FRAS1: variants seen among roughly 807,000 people sequenced by gnomAD.
The protein encoded by FRAS1 is extracellular matrix organizing protein FRAS1.
In FRAS1, 290 loss-of-function variants were observed where a neutral mutation model predicts 435.2. That is an observed-to-expected ratio of 0.67 (90% CI 0.61 to 0.73). The LOEUF is 0.73. Among genes scored for constraint, FRAS1 ranks in the 30% least tolerant of loss-of-function variants. FRAS1 has a pLI of 0.00. For synonymous variants in FRAS1, 1,800 were observed against 1,851.0 expected, an observed-to-expected ratio of 0.97 and a Z score of 0.71; for missense variants, 4,860 against 5,001.5, an observed-to-expected ratio of 0.97 and a Z score of 0.85.
intron 43 of FRAS1, among the ~76,000 whole-genome samples, chr4:78,447,495 A>G (rs76873451): frequency 0.026 from 3,920 of 151,888 alleles, 172 homozygotes; most frequent in African/African-American, 0.09. Context: ...TAATAGAAAA[A>G]ACTGTTGGGC....
intron 2 of FRAS1, among the ~76,000 whole-genome samples, chr4:78,219,471 A>G (rs1186802268): frequency 6.6e-6 from 1 of 152,346 alleles, no homozygotes; most frequent in South Asian, 2.1e-4. Context: ...ACAATTGATC[A>G]TGTGTAATGT....
intron 51 of FRAS1, among the ~76,000 whole-genome samples, chr4:78,470,602 T>A (rs551947209): frequency 6.6e-6 from 1 of 152,308 alleles, no homozygotes; most frequent in African/African-American, 2.4e-5. Flanking sequence ...TAATACAAAT[T>A]TTAAAAATAT....
intron 61 of FRAS1, among the ~76,000 whole-genome samples, chr4:78,502,652 A>C (rs1475283112): frequency 3.9e-5 from 6 of 152,212 alleles, no homozygotes; most frequent in Admixed American, 2.0e-4. Flanking sequence ...CAATCATGTC[A>C]TCTGCAAACA....
intron 18 of FRAS1, among the ~76,000 whole-genome samples, chr4:78,332,926 G>C (rs1465410214): frequency 6.6e-6 from 1 of 152,208 alleles, no homozygotes; most frequent in Non-Finnish European, 1.5e-5. Flanking sequence ...AGTATCTAGT[G>C]ATAGACAGCT....
chr4:78,297,637 G>A (rs1728196846), intron 14 of FRAS1, among the ~76,000 whole-genome samples: 1 of 152,046 alleles, frequency 6.6e-6, no homozygotes, highest in South Asian at 2.1e-4. Flanking sequence ...GAAAAGTCAG[G>A]GACCTTACCA....
Position 78,215,740 on chromosome 4 carries a change from G to A in FRAS1, c.109-21770G>A, listed in dbSNP as rs535309452. ...TTTTGTGACTGGCTTATTTCACTCA[G>A]CTTAATATCCTCAAGGTTCATCCAA... On this transcript the variant is annotated intron_variant, in intron 2 of 73. Transcript: ENST00000512123. Among the ~76,000 whole-genome samples, 70 of 152,260 alleles carry A rather than the reference G, an allele frequency of 4.6e-4. 1 individual carries two copies. The highest frequency in any genetic ancestry group is 3.4e-3 in the Middle Eastern group (1 of 294).
chr4:78,483,944 A>G (rs1397077908), intron 58 of FRAS1, among the ~76,000 whole-genome samples: 1 of 151,750 alleles, frequency 6.6e-6, no homozygotes, highest in Non-Finnish European at 1.5e-5. Flanking sequence ...CTTAGTGTAC[A>G]GTTCTATGAG....
intron 49 of FRAS1, 34 bp from the exon 50 acceptor site, chr4:78,466,174 T>C: frequency 6.3e-7 from 1 of 1,587,156 alleles, no homozygotes; most frequent in South Asian, 1.1e-5. Context: ...TGTTATGAGC[T>C]TCCCTCCCCT....
intron 22 of FRAS1, among the ~76,000 whole-genome samples, chr4:78,366,642 C>T (rs924312302): frequency 2.6e-5 from 4 of 152,294 alleles, no homozygotes; most frequent in Admixed American, 1.3e-4. Context: ...GCCCTTTCAG[C>T]ACATCACAGA....
chr4:78,404,886 T>C (rs577785351), intron 30 of FRAS1, among the ~76,000 whole-genome samples: 1 of 152,186 alleles, frequency 6.6e-6, no homozygotes, highest in Non-Finnish European at 1.5e-5. Context: ...ACAGGCTTTC[T>C]ATATTCTGAC....
intron 58 of FRAS1, among the ~76,000 whole-genome samples, chr4:78,483,736 TTG>T (rs1578351380): frequency 7.1e-6 from 1 of 140,140 alleles, no homozygotes; most frequent in East Asian, 2.0e-4. Context: ...AACCAGTTTT[TTG>T]TGTGTTTATC....
intron 14 of FRAS1, among the ~76,000 whole-genome samples, chr4:78,302,597 G>C (rs867865240): frequency 3.9e-5 from 6 of 152,164 alleles, no homozygotes; most frequent in African/African-American, 1.4e-4. Context: ...GCATTTCTCT[G>C]ATGGCCAGTG....
Position 78,438,555 on chromosome 4 carries a change from T to C in FRAS1, c.5218-15T>C, listed in dbSNP as rs1371042021. The C allele has an allele frequency of 6.2e-7, 1 of 1,613,618 alleles. No individual in the cohort carries two copies. Among genetic ancestry groups the C allele is most frequent in the Non-Finnish European group, 8.5e-7 (1 of 1,179,762 alleles). On this transcript the variant is annotated splice_polypyrimidine_tract_variant and intron_variant, in intron 38 of 73. Coordinates refer to ENST00000512123, the MANE Select transcript of FRAS1 (RefSeq NM_025074.7). ...AAATGTGCGTTCATGTCCTGCCTCA[T>C]GTTTGCCTCATTAGGATGATTCTTC...
intron 23 of FRAS1, among the ~76,000 whole-genome samples, chr4:78,370,964 C>A (rs1731478479): frequency 6.6e-6 from 1 of 152,116 alleles, no homozygotes; most frequent in Admixed American, 6.5e-5. Context: ...AAACATCTGT[C>A]AAGTAAACTT....
intron 23 of FRAS1, among the ~76,000 whole-genome samples, chr4:78,370,196 G>C (rs559423182): frequency 3.3e-5 from 5 of 152,282 alleles, no homozygotes; most frequent in African/African-American, 1.2e-4. Flanking sequence ...ATTTGTGTCA[G>C]ATGTTGTGCC....
At chr4:78,518,795 G>T (rs1721297192) in intron 66 of FRAS1, among the ~76,000 whole-genome samples, 1 of 152,134 alleles carries the variant, frequency 6.6e-6, no homozygotes, top group Non-Finnish European at 1.5e-5. Context: ...TGATTTCAAT[G>T]CTCCGGCCCT....
At chr4:78,371,559 A>T (rs987717321) in intron 23 of FRAS1, among the ~76,000 whole-genome samples, 2 of 152,204 alleles carry the variant, frequency 1.3e-5, no homozygotes, top group African/African-American at 4.8e-5. Context: ...AACATTATGA[A>T]ATGGGTACTA....
Position 78,528,019 on chromosome 4 carries a change from G to A in FRAS1, c.10925+1362G>A, listed in dbSNP as rs1005419704. 2.6e-5 allele frequency among the ~76,000 whole-genome samples: 4 copies of A among 152,102 alleles called. No homozygotes were observed. In the East Asian group the frequency reaches 7.7e-4, roughly 29 times the overall value. ...AGAGGCAGGCAGTGAATCAATGGAA[G>A]CAGGTGAAAGGAGAATTGGGACACT... On this transcript the variant is annotated intron_variant, in intron 70 of 73. Coordinates refer to ENST00000512123, the MANE Select transcript of FRAS1 (RefSeq NM_025074.7).
chr4:78,281,506 A>G, intron 11 of FRAS1, 73 bp downstream of exon 11: 6 of 952,026 alleles, frequency 6.3e-6, no homozygotes, highest in Non-Finnish European at 7.7e-6. Context: ...ATGAAATATC[A>G]TGGGGAAACT....
Sources: gnomAD v4.1 joint callset for allele counts (sites outside exome capture counted in the v4.1 genomes callset) on GRCh38, gnomAD v4.1.1 for gene constraint, MANE v1.5 for transcripts, NCBI Gene and HGNC (gene_info 2026-07-23, HGNC 2026-07-21) for gene names.